STAG1: variants seen among roughly 807,000 people sequenced by gnomAD.
STAG1 encodes the protein STAG1 cohesin complex component.
Under a neutral mutation model 170.9 loss-of-function variants are expected in STAG1, and 26 were observed. That is an observed-to-expected ratio of 0.15 (90% CI 0.11 to 0.21). The LOEUF is 0.21. Among genes scored for constraint, STAG1 ranks in the 10% least tolerant of loss-of-function variants. The pLI is 1.00. For missense variants in STAG1, 964 were observed against 1,509.5 expected (o/e 0.64, Z 5.99); for synonymous variants, 514 against 497.7 (o/e 1.03, Z -0.44).
intron 22 of STAG1, among the ~76,000 whole-genome samples, chr3:136,390,510 T>C (rs771738417): frequency 1.4e-4 from 22 of 152,110 alleles, no homozygotes; most frequent in Non-Finnish European, 2.6e-4. Flanking sequence ...CAGGAACACA[T>C]GTATTAAAGA....
In STAG1 at chr3:136,357,864, A is replaced by G. The variant is rs781024581; in HGVS notation, c.2937-16T>C. 3.2e-6 allele frequency: 5 copies of G among 1,580,304 alleles called. No homozygotes were observed. Among genetic ancestry groups the G allele is most frequent in the Non-Finnish European group, 4.3e-6 (5 of 1,166,854 alleles). Reference sequence around the variant, plus strand: ...TATGCCATCCCTGAAGTAAAAGAAAATATCAACTTATTTTTCCAGATAGTG... The same window carrying G: ...TATGCCATCCCTGAAGTAAAAGAAAGTATCAACTTATTTTTCCAGATAGTG... On this transcript the variant is annotated splice_polypyrimidine_tract_variant and intron_variant, in intron 27 of 33. Coordinates refer to ENST00000383202, the MANE Select transcript of STAG1 (RefSeq NM_005862.3).
At chr3:136,472,151 C>A (rs1576503451) in intron 12 of STAG1, among the ~76,000 whole-genome samples, 1 of 151,936 alleles carries the variant, frequency 6.6e-6, no homozygotes, top group Non-Finnish European at 1.5e-5. Context: ...TTGTTTTAAA[C>A]AGAAAGGTAA....
intron 13 of STAG1, among the ~76,000 whole-genome samples, chr3:136,463,298 C>G (rs1411105484): frequency 6.6e-6 from 1 of 152,038 alleles, no homozygotes; most frequent in Non-Finnish European, 1.5e-5. Flanking sequence ...TTGAGAGGTA[C>G]AAGTGAGTAG....
At chr3:136,583,146 C>A (rs1445356512) in intron 4 of STAG1, among the ~76,000 whole-genome samples, 1 of 152,052 alleles carries the variant, frequency 6.6e-6, no homozygotes, top group Non-Finnish European at 1.5e-5. Context: ...TCAGGCAATT[C>A]ATTTAATACA....
chr3:136,655,293 CAAAT>C (rs1171744390), intron 1 of STAG1, among the ~76,000 whole-genome samples: 1 of 152,134 alleles, frequency 6.6e-6, no homozygotes. Flanking sequence ...AACATAAAAA[CAAAT>C]AACCTGATTC....
chr3:136,385,798 C>T (rs923120885), intron 22 of STAG1, among the ~76,000 whole-genome samples: 1 of 152,036 alleles, frequency 6.6e-6, no homozygotes, highest in African/African-American at 2.4e-5. Flanking sequence ...AACTCCTGGG[C>T]TCAAGTGATC....
At chr3:136,600,952 G>T (rs1317792450) in intron 4 of STAG1, among the ~76,000 whole-genome samples, 2 of 151,802 alleles carry the variant, frequency 1.3e-5, no homozygotes, top group African/African-American at 4.8e-5. Context: ...GTGCAGTGGC[G>T]CAATCTTGGC....
At chr3:136,478,529 AC>A (rs1401406268) in intron 9 of STAG1, among the ~76,000 whole-genome samples, 1 of 152,202 alleles carries the variant, frequency 6.6e-6, no homozygotes, top group East Asian at 1.9e-4. Context: ...TTTACCATTC[AC>A]AAATGTTAAA....
intron 6 of STAG1, among the ~76,000 whole-genome samples, chr3:136,523,495 ATCT>A (rs940627129): frequency 2.0e-5 from 3 of 151,678 alleles, no homozygotes; most frequent in Non-Finnish European, 3.0e-5. Flanking sequence ...GATTGCAAAA[ATCT>A]TCTCCCATTC....
At chr3:136,409,557 A>C (rs534631097) in intron 21 of STAG1, among the ~76,000 whole-genome samples, 1 of 152,096 alleles carries the variant, frequency 6.6e-6, no homozygotes, top group East Asian at 1.9e-4. Context: ...GGCTGGTCTC[A>C]AACTCCTGGC....
chr3:136,509,051 G>C (rs1933920699), intron 7 of STAG1, among the ~76,000 whole-genome samples: 1 of 152,254 alleles, frequency 6.6e-6, no homozygotes, highest in East Asian at 1.9e-4. Context: ...TTGAAGTAAT[G>C]AGAGTGAGAA....
intron 9 of STAG1, among the ~76,000 whole-genome samples, chr3:136,478,674 G>C (rs760965650): frequency 1.3e-5 from 2 of 152,082 alleles, no homozygotes; most frequent in Non-Finnish European, 2.9e-5. Flanking sequence ...ATAAGTCTCA[G>C]TTCTCTCTAG....
At chr3:136,550,110 C>T (rs559053963) in intron 5 of STAG1, among the ~76,000 whole-genome samples, 87 of 151,824 alleles carry the variant, frequency 5.7e-4, no homozygotes, top group Middle Eastern at 6.8e-3. Flanking sequence ...TTTGTGATGT[C>T]TTTTCTTGGC....
chr3:136,564,359 AAC>A (rs1229667402), intron 5 of STAG1, among the ~76,000 whole-genome samples: 6 of 152,206 alleles, frequency 3.9e-5, no homozygotes, highest in Non-Finnish European at 5.9e-5. Flanking sequence ...CCAACAATGT[AAC>A]AGTGTCTGCT....
chr3:136,539,814 T>G (rs1935803705), intron 6 of STAG1, among the ~76,000 whole-genome samples: 1 of 152,210 alleles, frequency 6.6e-6, no homozygotes, highest in Non-Finnish European at 1.5e-5. Context: ...AATCTGTTTG[T>G]AACAAAGAAT....
At chr3:136,664,875 C>T (rs2107868665) in intron 1 of STAG1, among the ~76,000 whole-genome samples, 1 of 152,222 alleles carries the variant, frequency 6.6e-6, no homozygotes, top group South Asian at 2.1e-4. Flanking sequence ...AACCATCAAA[C>T]CTGAGGAAAA....
intron 5 of STAG1, among the ~76,000 whole-genome samples, chr3:136,548,280 A>C (rs1173640554): frequency 2.0e-5 from 3 of 151,698 alleles, no homozygotes; most frequent in Non-Finnish European, 2.9e-5. Flanking sequence ...GCCCGGGCTA[A>C]TTTTTGTATT....
intron 1 of STAG1, among the ~76,000 whole-genome samples, chr3:136,700,876 C>CTTTTTTTTTTTTTT (rs35459362): frequency 1.1e-3 from 90 of 78,340 alleles, no homozygotes; most frequent in Admixed American, 1.5e-3. Context: ...TATTTTTTTT[C>CTTTTTTTTTTTTTT]TTTTTTTTTT....
chr3:136,423,454 T>C (rs139947958), intron 16 of STAG1, among the ~76,000 whole-genome samples: 71 of 152,320 alleles, frequency 4.7e-4, no homozygotes, highest in African/African-American at 1.7e-3. Context: ...TCTCACTTAT[T>C]TTTAAAGCAC....
Sources: gnomAD v4.1 joint callset for allele counts (sites outside exome capture counted in the v4.1 genomes callset) on GRCh38, gnomAD v4.1.1 for gene constraint, MANE v1.5 for transcripts, NCBI Gene and HGNC (gene_info 2026-07-23, HGNC 2026-07-21) for gene names.